Variants in MYBPC1 observed in about 807,000 individuals in gnomAD.
MYBPC1 encodes the protein myosin binding protein C1, also known as myosin-binding protein C, slow-type.
A neutral mutation model predicts 147.1 loss-of-function variants in MYBPC1; 52 were observed. That is an observed-to-expected ratio of 0.35 (90% CI 0.28 to 0.45). The LOEUF (loss-of-function observed/expected upper bound fraction) is 0.45, where lower values mean the gene tolerates loss of function less well. Among genes scored for constraint, MYBPC1 ranks in the 20% least tolerant of loss-of-function variants. The pLI is 1.00. For synonymous variants in MYBPC1, 477 were observed against 475.9 expected, an observed-to-expected ratio of 1.00 and a Z score of -0.03; for missense variants, 1,228 against 1,440.3, an observed-to-expected ratio of 0.85 and a Z score of 2.39.
At position 101,648,100 on chromosome 12, in the gene MYBPC1, G is replaced by A; in HGVS notation, c.1146G>A (p.Glu382=). 1 of 1,613,278 alleles carries A rather than the reference G, an allele frequency of 6.2e-7. No individual in the cohort carries two copies. The highest frequency in any genetic ancestry group is 8.5e-7 in the Non-Finnish European group (1 of 1,179,360). The part of the protein sequence containing the change: ...QLEDTTAYCG[E]RVELECEVSE... Reference sequence around the variant, plus strand: ...AAGATACAACTGCTTATTGTGGGGAGAGAGTGGAATTAGAATGTGAGGTGT... The same window carrying A: ...AAGATACAACTGCTTATTGTGGGGAAAGAGTGGAATTAGAATGTGAGGTGT... The change falls in exon 14 of 32, where the codon GAG becomes GAA. Residue 382 remains glutamate, a synonymous_variant. Coordinates refer to ENST00000361466, the MANE Select transcript of MYBPC1 (RefSeq NM_002465.4).
Position 101,635,254 on chromosome 12 carries a change from T to G in MYBPC1, c.608+649T>G, listed in dbSNP as rs555477885. Reference sequence around the variant, plus strand: ...CTGAGAAATATAACCAGCCCCTTCCTGTCATTATGTTATTCTCTGTACTTA... The same window carrying G: ...CTGAGAAATATAACCAGCCCCTTCCGGTCATTATGTTATTCTCTGTACTTA... On this transcript the variant is annotated intron_variant, in intron 9 of 31. Coordinates refer to ENST00000361466, the MANE Select transcript of MYBPC1 (RefSeq NM_002465.4). Among the ~76,000 whole-genome samples, 23 of 152,298 alleles carry G rather than the reference T, an allele frequency of 1.5e-4. 1 individual carries two copies. Among genetic ancestry groups the G allele is most frequent in the South Asian group, 1.5e-3 (7 of 4,824 alleles).
At chr12:101,651,544 G>T in intron 16 of MYBPC1, 151 bp downstream of exon 16, 1 of 1,004,668 alleles carries the variant, frequency 1.0e-6, no homozygotes, top group South Asian at 1.4e-5. Context: ...AAGAAGGTGT[G>T]ATTTCTCTGT....
At chr12:101,653,273 C>T in intron 18 of MYBPC1, 25 bp downstream of exon 18, 1 of 1,611,858 alleles carries the variant, frequency 6.2e-7, no homozygotes, top group South Asian at 1.1e-5. Context: ...TGCACACACT[C>T]ACATGCACAC....
chr12:101,673,922 G>A (rs576651845), intron 25 of MYBPC1, among the ~76,000 whole-genome samples: 9 of 152,126 alleles, frequency 5.9e-5, no homozygotes, highest in Admixed American at 1.3e-4. Context: ...GCATGGTGGC[G>A]TGCACCTGTA....
intron 2 of MYBPC1, among the ~76,000 whole-genome samples, chr12:101,616,602 G>A (rs1236684121): frequency 2.0e-5 from 3 of 152,036 alleles, no homozygotes; most frequent in Non-Finnish European, 4.4e-5. Context: ...AAACTAATAT[G>A]ATCCCAAACA....
chr12:101,629,554 T>C lies in MYBPC1; in HGVS notation c.289+10T>C, dbSNP rs770430776. 2 of 1,572,068 alleles carry C rather than the reference T, an allele frequency of 1.3e-6. No homozygotes were observed. The highest frequency in any genetic ancestry group is 1.8e-6 in the Non-Finnish European group (2 of 1,142,200). ...GGAACAGTGAAAGTTGGTGAGTGCC[T>C]AGCATTCAATCCTTCCTTTTTTAAA... On this transcript the variant is annotated intron_variant, in intron 6 of 31. Transcript: ENST00000361466.
intron 5 of MYBPC1, among the ~76,000 whole-genome samples, chr12:101,628,369 A>G (rs1352373109): frequency 6.6e-6 from 1 of 152,210 alleles, no homozygotes; most frequent in Non-Finnish European, 1.5e-5. Flanking sequence ...AACACAAACA[A>G]CAAAATTTTA....
At chr12:101,601,253 GACA>G (rs756458063) in intron 1 of MYBPC1, among the ~76,000 whole-genome samples, 1 of 152,140 alleles carries the variant, frequency 6.6e-6, no homozygotes. Context: ...TTTTTACAAA[GACA>G]GCCCCCCCAA....
chr12:101,655,761 T>A (rs1326553601), intron 18 of MYBPC1, among the ~76,000 whole-genome samples: 1 of 152,130 alleles, frequency 6.6e-6, no homozygotes, highest in African/African-American at 2.4e-5. Flanking sequence ...TGCCAATGGA[T>A]CTGTCTTGCA....
chr12:101,606,235 C>CACACACAA (rs1395217363), intron 1 of MYBPC1, among the ~76,000 whole-genome samples: 1 of 151,288 alleles, frequency 6.6e-6, no homozygotes, highest in East Asian at 1.9e-4. Flanking sequence ...CACACACACA[C>CACACACAA]AAGAATGCAC....
At chr12:101,684,027 G>C (rs887132103) in intron 30 of MYBPC1, among the ~76,000 whole-genome samples, 2 of 151,886 alleles carry the variant, frequency 1.3e-5, no homozygotes, top group African/African-American at 4.8e-5. Flanking sequence ...TGAAAAACAC[G>C]ATATATATAT....
chr12:101,660,821 G>A (rs1896422574), intron 19 of MYBPC1, among the ~76,000 whole-genome samples: 1 of 152,132 alleles, frequency 6.6e-6, no homozygotes, highest in South Asian at 2.1e-4. Flanking sequence ...GAGAGAATGA[G>A]AACCAAGCCA....
intron 26 of MYBPC1, among the ~76,000 whole-genome samples, chr12:101,676,451 C>T (rs1900007940): frequency 6.6e-6 from 1 of 152,020 alleles, no homozygotes; most frequent in Admixed American, 6.6e-5. Context: ...AAAGAAAAAA[C>T]AGAACCAAAG....
chr12:101,667,711 C>G, intron 22 of MYBPC1, 21 bp from the exon 23 acceptor site: 2 of 1,613,970 alleles, frequency 1.2e-6, no homozygotes, highest in Non-Finnish European at 1.7e-6. Context: ...CCTTCTTTTC[C>G]TTTTCTTTTA....
At chr12:101,669,043 C>T (rs770749253) in intron 23 of MYBPC1, among the ~76,000 whole-genome samples, 6 of 152,062 alleles carry the variant, frequency 3.9e-5, no homozygotes, top group African/African-American at 9.7e-5. Context: ...GCCAAGATCA[C>T]GCCACTGCAC....
At chr12:101,605,822 A>G (rs1881925372) in intron 1 of MYBPC1, among the ~76,000 whole-genome samples, 1 of 152,122 alleles carries the variant, frequency 6.6e-6, no homozygotes, top group Non-Finnish European at 1.5e-5. Context: ...AGATCATGCC[A>G]TTGCCCTCCA....
chr12:101,652,680 T>A lies in MYBPC1; in HGVS notation c.1529T>A (p.Ile510Asn), dbSNP rs1894740984. 1.2e-6 allele frequency: 2 copies of A among 1,607,924 alleles called. No individual in the cohort carries two copies. Among genetic ancestry groups the A allele is most frequent in the South Asian group, 1.1e-5 (1 of 90,962 alleles). The change falls in exon 17 of 32, where the codon ATC (isoleucine) becomes AAC (asparagine). Residue 510 changes from isoleucine to asparagine, a missense_variant and splice_region_variant. Physicochemically the swap from Ile to Asn is moderately radical, Grantham distance 149 (BLOSUM62 -3). Coordinates refer to ENST00000361466, the MANE Select transcript of MYBPC1 (RefSeq NM_002465.4). ...DRLKVVHKGRIHKLVIANALT... is the reference protein window; with the variant it reads ...DRLKVVHKGRNHKLVIANALT... Reference sequence around the variant, plus strand: ...ATACATTTTCCTTGTTTCCTTAGGATCCACAAGTTAGTGATAGCCAATGCC... The same window carrying A: ...ATACATTTTCCTTGTTTCCTTAGGAACCACAAGTTAGTGATAGCCAATGCC...
intron 4 of MYBPC1, 136 bp downstream of exon 4, chr12:101,627,046 C>A (rs192211296): frequency 2.0e-5 from 15 of 761,604 alleles, no homozygotes; most frequent in Non-Finnish European, 2.8e-5. Flanking sequence ...GTGCTGGCAC[C>A]AAGAAGGAAA....
the MYBPC1 span, among the ~76,000 whole-genome samples, chr12:101,694,786 G>A: frequency 6.7e-6 from 1 of 149,792 alleles, no homozygotes; most frequent in East Asian, 2.0e-4. Context: ...ACATATGCTT[G>A]TGCAATTCAT....
Sources: gnomAD v4.1 joint callset for allele counts (sites outside exome capture counted in the v4.1 genomes callset) on GRCh38, gnomAD v4.1.1 for gene constraint, MANE v1.5 for transcripts, NCBI Gene and HGNC (gene_info 2026-07-23, HGNC 2026-07-21) for gene names.